Variants in CSMD3 observed in about 807,000 individuals in gnomAD.
The protein encoded by CSMD3 is CUB and Sushi multiple domains 3, also known as CUB and sushi domain-containing protein 3.
CSMD3 carries 177 observed loss-of-function variants against 435.2 expected under a neutral mutation model. The ratio of observed to expected loss-of-function variants is 0.41; its 90% CI spans 0.36 to 0.46. The LOEUF is 0.46. CSMD3 is among the 20% of genes least tolerant of loss of function. The pLI is 0.34. For synonymous variants in CSMD3, 1,656 were observed against 1,520.5 expected (o/e 1.09, Z -2.07); for missense variants, 4,265 against 4,504.6 (o/e 0.95, Z 1.52).
At chr8:112,467,157 T>A (rs1230949615) in intron 32 of CSMD3, among the ~76,000 whole-genome samples, 1 of 152,162 alleles carries the variant, frequency 6.6e-6, no homozygotes, top group Non-Finnish European at 1.5e-5. Flanking sequence ...CTTCAGATGA[T>A]TTAGGGATTC....
chr8:113,254,820 A>G (rs2093366207), intron 3 of CSMD3, among the ~76,000 whole-genome samples: 1 of 152,154 alleles, frequency 6.6e-6, no homozygotes. Flanking sequence ...TTTAATTCCA[A>G]CAATTTAGAT....
intron 10 of CSMD3, among the ~76,000 whole-genome samples, chr8:112,898,383 C>A (rs1025008003): frequency 1.3e-5 from 2 of 151,188 alleles, no homozygotes; most frequent in Non-Finnish European, 3.0e-5. Flanking sequence ...TTATGGTTTT[C>A]ATTTGTATTC....
At chr8:113,388,497 T>C (rs1484068893) in intron 1 of CSMD3, among the ~76,000 whole-genome samples, 1 of 151,652 alleles carries the variant, frequency 6.6e-6, no homozygotes, top group Non-Finnish European at 1.5e-5. Context: ...TAGTACCTTT[T>C]TTAGCCATTT....
At chr8:112,802,734 TATTATA>T (rs1340560201) in intron 12 of CSMD3, among the ~76,000 whole-genome samples, 3 of 151,934 alleles carry the variant, frequency 2.0e-5, no homozygotes, top group Admixed American at 6.6e-5. Context: ...ACAGCAGCCA[TATTATA>T]ATTATAATTA....
chr8:113,063,445 CTACTT>C (rs1441880593), intron 5 of CSMD3, among the ~76,000 whole-genome samples: 2 of 151,908 alleles, frequency 1.3e-5, no homozygotes, highest in African/African-American at 4.8e-5. Context: ...TCTTTAATAT[CTACTT>C]TAATTACTGC....
At chr8:112,789,001 C>T (rs2078622148) in intron 13 of CSMD3, among the ~76,000 whole-genome samples, 1 of 152,028 alleles carries the variant, frequency 6.6e-6, no homozygotes, top group Non-Finnish European at 1.5e-5. Flanking sequence ...CAAAAAATTC[C>T]CACACAAAAT....
chr8:112,551,400 T>C (rs530717739), intron 26 of CSMD3, among the ~76,000 whole-genome samples: 12 of 152,216 alleles, frequency 7.9e-5, no homozygotes, highest in Admixed American at 1.3e-4. Context: ...GTTAAATCTA[T>C]TCTGTTTTAA....
chr8:112,890,594 G>A (rs1469605759), intron 10 of CSMD3, among the ~76,000 whole-genome samples: 1 of 151,604 alleles, frequency 6.6e-6, no homozygotes, highest in African/African-American at 2.4e-5. Context: ...GAATTCTACA[G>A]GTCAGCTTTT....
At chr8:112,523,512 C>T (rs1824528141) in intron 27 of CSMD3, among the ~76,000 whole-genome samples, 1 of 151,918 alleles carries the variant, frequency 6.6e-6, no homozygotes, top group Non-Finnish European at 1.5e-5. Context: ...TTTCTCACAT[C>T]CCTCTCTTTC....
chr8:112,934,691 C>T (rs1412623965), intron 9 of CSMD3, among the ~76,000 whole-genome samples: 2 of 152,004 alleles, frequency 1.3e-5, no homozygotes, highest in Non-Finnish European at 2.9e-5. Flanking sequence ...GCCACAGCTA[C>T]TAAACAGAAG....
At chr8:112,242,429 C>T (rs1814257922) in intron 65 of CSMD3, among the ~76,000 whole-genome samples, 1 of 152,046 alleles carries the variant, frequency 6.6e-6, no homozygotes, top group South Asian at 2.1e-4. Context: ...GTTGCTCTGG[C>T]TGCAAAACCA....
intron 13 of CSMD3, among the ~76,000 whole-genome samples, chr8:112,777,837 G>C (rs1277993608): frequency 6.6e-6 from 1 of 151,774 alleles, no homozygotes; most frequent in Non-Finnish European, 1.5e-5. Context: ...GCACTGGCCA[G>C]AATATGTTGC....
intron 32 of CSMD3, among the ~76,000 whole-genome samples, chr8:112,413,437 CATTT>C (rs1297152260): frequency 6.6e-6 from 1 of 152,162 alleles, no homozygotes; most frequent in East Asian, 1.9e-4. Context: ...TGGTCACATT[CATTT>C]AATACCTGAG....
At chr8:112,360,032 T>C (rs1216223089) in intron 38 of CSMD3, among the ~76,000 whole-genome samples, 1 of 152,080 alleles carries the variant, frequency 6.6e-6, no homozygotes, top group Admixed American at 6.6e-5. Context: ...TTCATCTGAT[T>C]TCATAGAGTC....
chr8:112,872,748 T>C (rs999655630), intron 10 of CSMD3, among the ~76,000 whole-genome samples: 3 of 151,958 alleles, frequency 2.0e-5, no homozygotes, highest in Non-Finnish European at 4.4e-5. Context: ...TTATTATGCT[T>C]TTCATAAAAA....
At chr8:113,011,634 GTAT>G (rs1221638802) in intron 6 of CSMD3, among the ~76,000 whole-genome samples, 4 of 151,596 alleles carry the variant, frequency 2.6e-5, no homozygotes, top group Non-Finnish European at 4.4e-5. Flanking sequence ...AACTTTCCCA[GTAT>G]TATTGACTTA....
At chr8:113,207,260 AT>A (rs1015131335) in intron 3 of CSMD3, among the ~76,000 whole-genome samples, 4 of 151,956 alleles carry the variant, frequency 2.6e-5, no homozygotes, top group Non-Finnish European at 4.4e-5. Flanking sequence ...TCTTATTCAT[AT>A]TTTTATTTTA....
At chr8:112,921,128 T>C (rs2082732380) in intron 10 of CSMD3, among the ~76,000 whole-genome samples, 1 of 150,924 alleles carries the variant, frequency 6.6e-6, no homozygotes, top group African/African-American at 2.4e-5. Flanking sequence ...AGATATATAT[T>C]TATATCTTAT....
chr8:112,387,268 T>A (rs1484337768), intron 36 of CSMD3, among the ~76,000 whole-genome samples: 1 of 152,212 alleles, frequency 6.6e-6, no homozygotes, highest in African/African-American at 2.4e-5. Flanking sequence ...TTCCATATGT[T>A]TCTTCTTTTC....
Sources: gnomAD v4.1 joint callset for allele counts (sites outside exome capture counted in the v4.1 genomes callset) on GRCh38, gnomAD v4.1.1 for gene constraint, MANE v1.5 for transcripts, NCBI Gene and HGNC (gene_info 2026-07-23, HGNC 2026-07-21) for gene names.